Variants in LRCH1 observed in about 807,000 individuals in gnomAD.
LRCH1 encodes leucine rich repeats and calponin homology domain containing 1, also known as leucine-rich repeat and calponin homology domain-containing protein 1.
A neutral mutation model predicts 94.9 loss-of-function variants in LRCH1; 23 were observed. The ratio of observed to expected loss-of-function variants is 0.24; its 90% CI spans 0.17 to 0.34. The LOEUF is 0.34. Among genes scored for constraint, LRCH1 ranks in the 10% least tolerant of loss-of-function variants. LRCH1 has a pLI of 1.00. For synonymous variants in LRCH1, 364 were observed against 354.9 expected (o/e 1.03, Z -0.29); for missense variants, 790 against 945.9 (o/e 0.84, Z 2.16).
At chr13:46,554,089 C>A (rs541222341) in intron 1 of LRCH1, among the ~76,000 whole-genome samples, 2 of 152,360 alleles carry the variant, frequency 1.3e-5, no homozygotes, top group South Asian at 4.1e-4. Flanking sequence ...TCCTGGGCCC[C>A]GCGCAGGGCT....
intron 1 of LRCH1, among the ~76,000 whole-genome samples, chr13:46,588,686 C>T (rs2050463215): frequency 1.3e-5 from 2 of 151,018 alleles, no homozygotes; most frequent in African/African-American, 4.9e-5. Flanking sequence ...CTGCAACCCC[C>T]GCCTCTCGGG....
At chr13:46,588,524 T>C (rs190836293) in intron 1 of LRCH1, among the ~76,000 whole-genome samples, 1 of 152,184 alleles carries the variant, frequency 6.6e-6, no homozygotes, top group African/African-American at 2.4e-5. Flanking sequence ...TTATGTAGCA[T>C]AGCACATCTG....
At chr13:46,696,195 TAC>T (rs10553999) in intron 9 of LRCH1, among the ~76,000 whole-genome samples, 8,840 of 146,780 alleles carry the variant, frequency 0.06, 319 homozygotes, top group East Asian at 0.18. Context: ...TGCATGTGTG[TAC>T]ACACACACAC....
At chr13:46,613,567 G>A (rs571860225) in intron 1 of LRCH1, among the ~76,000 whole-genome samples, 38 of 152,220 alleles carry the variant, frequency 2.5e-4, no homozygotes, top group African/African-American at 7.5e-4. Context: ...GGCCCAAAGC[G>A]TGATTGGCTG....
rs183498899 is a variant in LRCH1 at position 46,574,956 on chromosome 13, C to A, written c.307+21253C>A. ...TGGTAATAATAAATATTCTGTTTAG[C>A]CTTTGGATGAGGTTTACATGATGTA... On this transcript the variant is annotated intron_variant, in intron 1 of 19. Transcript: ENST00000389797. 2.3e-3 allele frequency among the ~76,000 whole-genome samples: 350 copies of A among 150,976 alleles called. 8 individuals are homozygous for A. The highest frequency in any genetic ancestry group is 4.6e-4 in the Non-Finnish European group (31 of 67,866).
intron 3 of LRCH1, among the ~76,000 whole-genome samples, chr13:46,674,475 T>A (rs555268074): frequency 1.6e-4 from 24 of 152,216 alleles, no homozygotes; most frequent in African/African-American, 5.3e-4. Flanking sequence ...TATGGAATCT[T>A]AGCTCCATGG....
chr13:46,565,270 T>A (rs2050169625), intron 1 of LRCH1, among the ~76,000 whole-genome samples: 1 of 152,204 alleles, frequency 6.6e-6, no homozygotes, highest in East Asian at 1.9e-4. Flanking sequence ...ATAACATCAG[T>A]ATCCAGCAAG....
At chr13:46,723,769 C>T (rs1016982213) in intron 17 of LRCH1, among the ~76,000 whole-genome samples, 1 of 151,788 alleles carries the variant, frequency 6.6e-6, no homozygotes, top group Non-Finnish European at 1.5e-5. Context: ...CACTTCACTT[C>T]AGCCTGGGTG....
At chr13:46,732,860 G>A (rs1011089130) in intron 18 of LRCH1, among the ~76,000 whole-genome samples, 3 of 152,160 alleles carry the variant, frequency 2.0e-5, no homozygotes, top group Admixed American at 1.3e-4. Flanking sequence ...AGCTGCTGGC[G>A]ACATCTCTTT....
chr13:46,629,853 C>T (rs2050997940), intron 1 of LRCH1, among the ~76,000 whole-genome samples: 1 of 152,240 alleles, frequency 6.6e-6, no homozygotes, highest in Non-Finnish European at 1.5e-5. Context: ...CAGGTCCACT[C>T]TCCAGACAGT....
intron 16 of LRCH1, among the ~76,000 whole-genome samples, chr13:46,718,975 T>G (rs565676499): frequency 1.3e-5 from 2 of 152,410 alleles, no homozygotes; most frequent in East Asian, 3.8e-4. Context: ...CAAAGGGCTT[T>G]CTTTCTTTGC....
chr13:46,618,029 C>T (rs1246266534), intron 1 of LRCH1, among the ~76,000 whole-genome samples: 1 of 152,142 alleles, frequency 6.6e-6, no homozygotes, highest in Non-Finnish European at 1.5e-5. Flanking sequence ...TACGGTCATG[C>T]ATCACTTAAC....
intron 19 of LRCH1, among the ~76,000 whole-genome samples, chr13:46,741,184 A>T (rs1026061278): frequency 1.8e-4 from 27 of 152,252 alleles, no homozygotes; most frequent in African/African-American, 6.5e-4. Context: ...TTTATATCCA[A>T]GTCTACATAG....
At chr13:46,676,910 T>G (rs1385203118) in intron 3 of LRCH1, among the ~76,000 whole-genome samples, 3 of 152,138 alleles carry the variant, frequency 2.0e-5, no homozygotes, top group Admixed American at 2.0e-4. Context: ...CCCGAGTAGC[T>G]GAAACCACGG....
chr13:46,691,656 G>A (rs1170409781), intron 7 of LRCH1, among the ~76,000 whole-genome samples: 1 of 152,176 alleles, frequency 6.6e-6, no homozygotes, highest in Non-Finnish European at 1.5e-5. Context: ...AGAAAGCAAC[G>A]AGGTTGGGGG....
At chr13:46,631,251 C>T (rs2051013878) in intron 1 of LRCH1, among the ~76,000 whole-genome samples, 1 of 152,212 alleles carries the variant, frequency 6.6e-6, no homozygotes, top group Non-Finnish European at 1.5e-5. Context: ...GCCATGCCGT[C>T]TCATTGCTTA....
At chr13:46,586,933 A>G (rs893198645) in intron 1 of LRCH1, among the ~76,000 whole-genome samples, 1 of 152,208 alleles carries the variant, frequency 6.6e-6, no homozygotes, top group South Asian at 2.1e-4. Context: ...TCTTAGTTTT[A>G]GCAGCAGAGA....
intron 1 of LRCH1, among the ~76,000 whole-genome samples, chr13:46,573,491 C>A (rs533052143): frequency 2.6e-5 from 4 of 152,216 alleles, no homozygotes; most frequent in African/African-American, 9.6e-5. Flanking sequence ...TGTCCATCAA[C>A]AGATGAATGG....
intron 19 of LRCH1, among the ~76,000 whole-genome samples, chr13:46,737,375 C>T (rs1222780099): frequency 1.3e-5 from 2 of 152,156 alleles, no homozygotes; most frequent in Non-Finnish European, 2.9e-5. Context: ...GTTGGGATTA[C>T]GGACATGAGC....
Sources: gnomAD v4.1 joint callset for allele counts (sites outside exome capture counted in the v4.1 genomes callset) on GRCh38, gnomAD v4.1.1 for gene constraint, MANE v1.5 for transcripts, NCBI Gene and HGNC (gene_info 2026-07-23, HGNC 2026-07-21) for gene names.